Variants in UNC13C observed in about 807,000 individuals in gnomAD.
The protein encoded by UNC13C is protein unc-13 homolog C.
In UNC13C, 174 loss-of-function variants were observed where a neutral mutation model predicts 245.4. The ratio of observed to expected loss-of-function variants is 0.71; its 90% confidence interval spans 0.63 to 0.80. UNC13C has a LOEUF of 0.80. Ranked by LOEUF, UNC13C falls within the 30% of genes least tolerant of loss-of-function variation. The probability of loss-of-function intolerance (pLI) is 0.00; values close to 1 mark genes in which losing one functional copy is unlikely to be tolerated. For synonymous variants in UNC13C, 992 were observed against 895.1 expected, an observed-to-expected ratio of 1.11 and a Z score of -1.93; for missense variants, 2,829 against 2,602.9, an observed-to-expected ratio of 1.09 and a Z score of -1.89.
chr15:54,377,336 A>G (rs553851286), intron 17 of UNC13C, among the ~76,000 whole-genome samples: 1 of 152,328 alleles, frequency 6.6e-6, no homozygotes, highest in Non-Finnish European at 1.5e-5. Flanking sequence ...AAAAACAGAC[A>G]TACTTTTTGA....
At chr15:54,241,910 G>C (rs2035863534) in intron 7 of UNC13C, among the ~76,000 whole-genome samples, 1 of 152,282 alleles carries the variant, frequency 6.6e-6, no homozygotes, top group Middle Eastern at 3.4e-3. Context: ...ATTATCTCTT[G>C]TCTGCAAGTA....
intron 2 of UNC13C, among the ~76,000 whole-genome samples, chr15:54,117,523 TTCTC>T (rs56332846): frequency 0.14 from 14,566 of 102,064 alleles, 699 homozygotes; most frequent in South Asian, 0.23. Flanking sequence ...ACTATTATGT[TTCTC>T]TCTCTCTCTC....
At chr15:53,989,764 G>A (rs1379126685) in intron 1 of UNC13C, among the ~76,000 whole-genome samples, 2 of 152,078 alleles carry the variant, frequency 1.3e-5, no homozygotes, top group East Asian at 1.9e-4. Flanking sequence ...TTATACTAAT[G>A]TATAATTGCA....
intron 30 of UNC13C, among the ~76,000 whole-genome samples, chr15:54,572,909 C>A (rs1897819755): frequency 6.6e-6 from 1 of 151,868 alleles, no homozygotes; most frequent in Non-Finnish European, 1.5e-5. Flanking sequence ...ATATAATTTC[C>A]CCTTACTCCA....
intron 4 of UNC13C, among the ~76,000 whole-genome samples, chr15:54,169,398 T>C (rs1021299078): frequency 3.9e-5 from 6 of 152,184 alleles, no homozygotes; most frequent in African/African-American, 1.4e-4. Context: ...GAGAGACTAT[T>C]TTCTTTTCTT....
intron 24 of UNC13C, among the ~76,000 whole-genome samples, chr15:54,521,771 C>A (rs1447362463): frequency 6.6e-6 from 1 of 152,146 alleles, no homozygotes; most frequent in East Asian, 1.9e-4. Context: ...ATTTCAAGGG[C>A]AAAATATCCT....
At chr15:54,608,450 A>G (rs1024090424) in intron 30 of UNC13C, among the ~76,000 whole-genome samples, 3 of 152,208 alleles carry the variant, frequency 2.0e-5, no homozygotes, top group African/African-American at 4.8e-5. Flanking sequence ...TCAGATCACA[A>G]AAATATCTTC....
chr15:54,427,112 A>G (rs2040774645), intron 19 of UNC13C, among the ~76,000 whole-genome samples: 2 of 151,808 alleles, frequency 1.3e-5, no homozygotes, highest in South Asian at 2.1e-4. Context: ...GGATAATATG[A>G]CCAAATAATT....
At chr15:54,097,344 G>GT (rs977436926) in intron 2 of UNC13C, among the ~76,000 whole-genome samples, 10 of 151,944 alleles carry the variant, frequency 6.6e-5, no homozygotes, top group African/African-American at 2.4e-4. Flanking sequence ...TGTCTCAGAG[G>GT]TTTTTTTTCT....
the UNC13C span, among the ~76,000 whole-genome samples, chr15:53,869,186 T>A: frequency 6.6e-6 from 1 of 152,256 alleles, no homozygotes; most frequent in East Asian, 1.9e-4. Context: ...TGATCTGGGA[T>A]TTGAAGATAC....
At position 54,623,802 on chromosome 15, in the gene UNC13C, T is replaced by C. The variant is rs376895148; in HGVS notation, c.6207T>C (p.Ala2069=). ...ATATTTCCTTTTTTTTAGTGATTGC[T>C]ATTAATGACCTAAACTGGCAGACCA... ...GDHKVTVKVI[A]INDLNWQTTA... Residue 2069 remains alanine (A), a synonymous_variant, in exon 32 of 33, where the codon GCT becomes GCC. Coordinates refer to ENST00000260323, the MANE Select transcript of UNC13C (RefSeq NM_001080534.3). The C allele has an allele frequency of 6.2e-7, 1 of 1,611,964 alleles. No homozygotes were observed. The highest frequency in any genetic ancestry group is 8.5e-7 in the Non-Finnish European group (1 of 1,178,874).
chr15:54,182,254 T>A (rs10162870), intron 4 of UNC13C, among the ~76,000 whole-genome samples: 16,148 of 151,930 alleles, frequency 0.11, 1,447 homozygotes, highest in African/African-American at 0.24. Context: ...GGATGTTGGA[T>A]TTTATTGAGA....
downstream of UNC13C, chr15:54,629,848 T>C (rs1901413717): frequency 6.6e-6 from 1 of 152,202 alleles, no homozygotes; most frequent in Non-Finnish European, 1.5e-5. Context: ...ATGTATACAA[T>C]ATATATCAAA....
At chr15:54,179,036 G>A (rs557331318) in intron 4 of UNC13C, among the ~76,000 whole-genome samples, 6 of 152,196 alleles carry the variant, frequency 3.9e-5, no homozygotes, top group East Asian at 1.9e-4. Context: ...ACCAGTTTCC[G>A]AAGAGGAAGC....
intron 7 of UNC13C, among the ~76,000 whole-genome samples, chr15:54,245,830 A>G (rs2035976104): frequency 6.6e-6 from 1 of 152,146 alleles, no homozygotes. Context: ...GAAAGTATCA[A>G]AATGTGATAT....
intron 4 of UNC13C, among the ~76,000 whole-genome samples, chr15:54,216,617 C>G (rs1004507660): frequency 2.6e-5 from 4 of 151,744 alleles, no homozygotes; most frequent in African/African-American, 9.7e-5. Flanking sequence ...CAAGAGAGGG[C>G]AAATATGACA....
At chr15:54,483,440 G>T (rs950495389) in intron 19 of UNC13C, among the ~76,000 whole-genome samples, 4 of 152,088 alleles carry the variant, frequency 2.6e-5, no homozygotes, top group Admixed American at 6.6e-5. Context: ...TGATTATTTA[G>T]AACAATTTTT....
intron 4 of UNC13C, among the ~76,000 whole-genome samples, chr15:54,226,791 G>A (rs548813807): frequency 7.2e-5 from 11 of 152,204 alleles, no homozygotes; most frequent in Non-Finnish European, 1.0e-4. Context: ...CATGTGGCTT[G>A]CGCTGTAGGC....
chr15:54,349,657 G>T (rs544920139), intron 17 of UNC13C, among the ~76,000 whole-genome samples: 3 of 152,126 alleles, frequency 2.0e-5, no homozygotes, highest in Non-Finnish European at 4.4e-5. Context: ...GGTGATATGG[G>T]ACATTGGAAC....
Sources: gnomAD v4.1 joint callset for allele counts (sites outside exome capture counted in the v4.1 genomes callset) on GRCh38, gnomAD v4.1.1 for gene constraint, MANE v1.5 for transcripts, NCBI Gene and HGNC (gene_info 2026-07-23, HGNC 2026-07-21) for gene names.